GAS2: variants seen among roughly 807,000 people sequenced by gnomAD.
GAS2 encodes growth arrest specific 2.
Under a neutral mutation model 37.5 loss-of-function variants are expected in GAS2, and 20 were observed. The observed-to-expected ratio is 0.53, with a 90% confidence interval of 0.37 to 0.77. GAS2 has a LOEUF of 0.77. GAS2 is among the 30% of genes least tolerant of loss of function. GAS2 has a pLI of 0.00. For missense variants in GAS2, 336 were observed against 373.4 expected, an observed-to-expected ratio of 0.90 and a Z score of 0.82; for synonymous variants, 144 against 132.2, an observed-to-expected ratio of 1.09 and a Z score of -0.61.
rs568878485 is a variant in GAS2 at position 22,760,275 on chromosome 11, A to T, written c.723+4322A>T. On this transcript the variant is annotated intron_variant, in intron 7 of 7. Transcript: ENST00000454584. ...GGATTACAGGCATGAGCCACCGCAC[A>T]CAGTGTCTTCCAACAGTAATTTTTA... 1.2e-3 allele frequency among the ~76,000 whole-genome samples: 181 copies of T among 151,714 alleles called. 2 individuals carry two copies. The highest frequency in any genetic ancestry group is 3.4e-3 in the African/African-American group (142 of 41,508).
At chr11:22,645,422 G>A (rs187396337) in intron 1 of GAS2, among the ~76,000 whole-genome samples, 4 of 152,006 alleles carry the variant, frequency 2.6e-5, no homozygotes, top group Admixed American at 6.6e-5. Flanking sequence ...CACTAGAATC[G>A]CTTGAACCCG....
intron 1 of GAS2, among the ~76,000 whole-genome samples, chr11:22,659,975 TA>T (rs747995128): frequency 9.2e-5 from 14 of 152,138 alleles, no homozygotes; most frequent in Non-Finnish European, 1.8e-4. Flanking sequence ...TTGCTTCAAA[TA>T]AGTTGCTTGA....
intron 7 of GAS2, among the ~76,000 whole-genome samples, chr11:22,773,131 A>G (rs1054766504): frequency 6.6e-6 from 1 of 152,030 alleles, no homozygotes; most frequent in Non-Finnish European, 1.5e-5. Flanking sequence ...TGCCAATCTC[A>G]TAATTCTTTC....
chr11:22,769,872 A>C (rs1854885418), intron 7 of GAS2, among the ~76,000 whole-genome samples: 1 of 152,340 alleles, frequency 6.6e-6, no homozygotes, highest in Admixed American at 6.5e-5. Context: ...CTCCTGTGTC[A>C]TGTAACTTTC....
chr11:22,759,713 C>T (rs1314695676), intron 7 of GAS2, among the ~76,000 whole-genome samples: 2 of 152,016 alleles, frequency 1.3e-5, no homozygotes, highest in Non-Finnish European at 2.9e-5. Context: ...TTTGGATTAA[C>T]AGAGATTTGG....
At chr11:22,809,952 T>C (rs1857068085) in intron 7 of GAS2, among the ~76,000 whole-genome samples, 1 of 152,192 alleles carries the variant, frequency 6.6e-6, no homozygotes, top group African/African-American at 2.4e-5. Flanking sequence ...TTAATGAGTA[T>C]GTTCTGATGC....
chr11:22,761,439 A>G (rs889549769), intron 7 of GAS2, among the ~76,000 whole-genome samples: 1 of 152,200 alleles, frequency 6.6e-6, no homozygotes, highest in Non-Finnish European at 1.5e-5. Context: ...CAGTGGGGTC[A>G]CATGTTGTGA....
chr11:22,790,706 G>T (rs996577530), intron 7 of GAS2, among the ~76,000 whole-genome samples: 1 of 150,542 alleles, frequency 6.6e-6, no homozygotes, highest in African/African-American at 2.4e-5. Context: ...CAAGTGATCC[G>T]CCCATCTTGG....
chr11:22,631,901 C>G (rs932128406), intron 1 of GAS2, among the ~76,000 whole-genome samples: 1 of 146,008 alleles, frequency 6.8e-6, no homozygotes, highest in Non-Finnish European at 1.5e-5. Flanking sequence ...TACCAGTTCT[C>G]TGAATGTCTC....
Position 22,730,825 on chromosome 11 carries a change from G to A in GAS2, c.409+4392G>A, listed in dbSNP as rs967032800. ...AAGTATTTATATTTTCAGTTTCACC[G>A]AAATGTAAAAGTTATTGGACTGTAT... On this transcript the variant is annotated intron_variant, in intron 4 of 7. Coordinates refer to ENST00000454584, the MANE Select transcript of GAS2 (RefSeq NM_001143830.3). Among the ~76,000 whole-genome samples, 23 of 151,720 alleles carry A rather than the reference G, an allele frequency of 1.5e-4. No individual in the cohort carries two copies. The East Asian group carries it at 4.4e-3, about 29-fold the overall frequency.
intron 5 of GAS2, among the ~76,000 whole-genome samples, chr11:22,746,898 G>A (rs1253747196): frequency 6.6e-6 from 1 of 152,066 alleles, no homozygotes; most frequent in African/African-American, 2.4e-5. Flanking sequence ...TAGGTCAATG[G>A]AACAGTTAGT....
intron 7 of GAS2, among the ~76,000 whole-genome samples, chr11:22,805,677 C>T (rs1856850746): frequency 6.6e-6 from 1 of 151,960 alleles, no homozygotes; most frequent in Admixed American, 6.6e-5. Flanking sequence ...TGGATAAGTC[C>T]ACAGAGTAAA....
At chr11:22,742,767 C>T (rs1853157089) in intron 5 of GAS2, among the ~76,000 whole-genome samples, 1 of 152,048 alleles carries the variant, frequency 6.6e-6, no homozygotes, top group Non-Finnish European at 1.5e-5. Context: ...AGAGCCAAGT[C>T]TGTTGTTACT....
At chr11:22,709,209 G>GA (rs71842963) in intron 3 of GAS2, among the ~76,000 whole-genome samples, 2,416 of 79,914 alleles carry the variant, frequency 0.03, 37 homozygotes, top group East Asian at 0.065. Context: ...GCATGGTAAT[G>GA]AAAAAAAAAA....
chr11:22,789,995 G>A (rs1028964496), intron 7 of GAS2, among the ~76,000 whole-genome samples: 22 of 152,146 alleles, frequency 1.4e-4, no homozygotes, highest in African/African-American at 5.3e-4. Context: ...ATTAGAAAGA[G>A]ACAACATATT....
intron 6 of GAS2, among the ~76,000 whole-genome samples, chr11:22,750,857 T>A (rs536969313): frequency 1.3e-5 from 2 of 152,132 alleles, no homozygotes; most frequent in Admixed American, 1.3e-4. Context: ...CATTCATTTT[T>A]TTTTAAATGC....
chr11:22,645,456 G>T (rs1036757900), intron 1 of GAS2, among the ~76,000 whole-genome samples: 4 of 152,006 alleles, frequency 2.6e-5, no homozygotes, highest in Non-Finnish European at 5.9e-5. Flanking sequence ...GCAGTGAGCT[G>T]AAATCATGCC....
chr11:22,652,694 T>G (rs1848797652), intron 1 of GAS2, among the ~76,000 whole-genome samples: 1 of 152,176 alleles, frequency 6.6e-6, no homozygotes, highest in Non-Finnish European at 1.5e-5. Context: ...CCAGGTGCCG[T>G]CTGTCACCCC....
chr11:22,790,885 T>C (rs2134571480), intron 7 of GAS2, among the ~76,000 whole-genome samples: 1 of 152,250 alleles, frequency 6.6e-6, no homozygotes, highest in East Asian at 1.9e-4. Flanking sequence ...ATGTAGCATA[T>C]GCAGAGAAGA....
Sources: allele counts gnomAD v4.1 joint callset (sites outside exome capture counted in the v4.1 genomes callset), GRCh38; gene constraint gnomAD v4.1.1; transcripts MANE v1.5; gene names NCBI Gene and HGNC (gene_info 2026-07-23, HGNC 2026-07-21).